Variants in GALNT14 observed in about 807,000 individuals in gnomAD.
GALNT14 encodes UDP-GalNAc:polypeptide N-acetylgalactosaminyltransferase 14.
In GALNT14, 60 loss-of-function variants were observed where a neutral mutation model predicts 77.5. The ratio of observed to expected loss-of-function variants is 0.77; its 90% confidence interval spans 0.63 to 0.96. The LOEUF (loss-of-function observed/expected upper bound fraction) is 0.96. Ranked by LOEUF, GALNT14 falls within the 40% of genes least tolerant of loss-of-function variation. GALNT14 has a pLI of 0.00. For synonymous variants in GALNT14, 280 were observed against 281.7 expected (o/e 0.99, Z 0.06); for missense variants, 710 against 731.0 (o/e 0.97, Z 0.33).
chr2:30,993,822 C>T (rs1004326852), intron 1 of GALNT14, among the ~76,000 whole-genome samples: 3 of 152,176 alleles, frequency 2.0e-5, no homozygotes, highest in African/African-American at 7.2e-5. Flanking sequence ...GAGCTCAAAG[C>T]AGAGCTCAGT....
At chr2:30,900,858 T>G in the GALNT14 span, among the ~76,000 whole-genome samples, 22 of 152,326 alleles carry the variant, frequency 1.4e-4, no homozygotes, top group African/African-American at 5.3e-4. Context: ...TCACAGCCTC[T>G]TGGGTGGCAG....
chr2:30,962,720 A>T (rs115235743), intron 3 of GALNT14, among the ~76,000 whole-genome samples: 4,336 of 152,186 alleles, frequency 0.028, 162 homozygotes, highest in African/African-American at 0.086. Flanking sequence ...CTAACTCCAG[A>T]GCTTAGGGGG....
At chr2:31,076,192 G>A (rs534423893) in intron 1 of GALNT14, among the ~76,000 whole-genome samples, 17 of 152,318 alleles carry the variant, frequency 1.1e-4, no homozygotes, top group Admixed American at 6.5e-5. Context: ...TCCTACTCAA[G>A]TCTCCTCCCA....
chr2:31,133,892 T>G (rs965491412), intron 1 of GALNT14, among the ~76,000 whole-genome samples: 2 of 152,212 alleles, frequency 1.3e-5, no homozygotes, highest in African/African-American at 4.8e-5. Flanking sequence ...CGTTAAAAAG[T>G]CAAATTTAAA....
At chr2:31,071,834 G>C (rs992812175) in intron 1 of GALNT14, among the ~76,000 whole-genome samples, 1 of 152,170 alleles carries the variant, frequency 6.6e-6, no homozygotes, top group African/African-American at 2.4e-5. Flanking sequence ...GAAAATGCAG[G>C]ATTCTTGCTC....
At chr2:30,975,513 T>C (rs1381549591) in intron 2 of GALNT14, among the ~76,000 whole-genome samples, 1 of 152,254 alleles carries the variant, frequency 6.6e-6, no homozygotes, top group African/African-American at 2.4e-5. Flanking sequence ...TTTTTTAAAA[T>C]TGATCACATG....
chr2:30,952,180 C>T (rs1269952101), intron 6 of GALNT14, among the ~76,000 whole-genome samples: 2 of 152,034 alleles, frequency 1.3e-5, no homozygotes, highest in African/African-American at 2.4e-5. Context: ...ATTATAGTAA[C>T]TATTTAAAAA....
At chr2:31,127,737 A>G (rs1558586765) in intron 1 of GALNT14, among the ~76,000 whole-genome samples, 1 of 152,232 alleles carries the variant, frequency 6.6e-6, no homozygotes, top group Non-Finnish European at 1.5e-5. Context: ...TATACACTCA[A>G]TTTTAGGAGA....
chr2:31,078,722 C>T (rs1360216894), intron 1 of GALNT14, among the ~76,000 whole-genome samples: 1 of 152,278 alleles, frequency 6.6e-6, no homozygotes, highest in East Asian at 1.9e-4. Flanking sequence ...CAGGGCAAGG[C>T]AAACATTCAG....
intron 2 of GALNT14, among the ~76,000 whole-genome samples, chr2:30,981,247 G>T (rs1303515424): frequency 1.3e-5 from 2 of 152,218 alleles, no homozygotes; most frequent in African/African-American, 2.4e-5. Context: ...TGAAGCACTT[G>T]GGGGCAAATG....
chr2:31,111,995 C>CTTTTTTTTTTT (rs398080139), intron 1 of GALNT14, among the ~76,000 whole-genome samples: 1 of 134,120 alleles, frequency 7.5e-6, no homozygotes, highest in Non-Finnish European at 1.6e-5. Context: ...TGTGTACTTG[C>CTTTTTTTTTTT]TTTTTTTTTT....
intron 4 of GALNT14, 46 bp from the exon 5 acceptor site, chr2:30,956,023 C>T (rs1667349160): frequency 1.9e-6 from 3 of 1,594,440 alleles, no homozygotes; most frequent in South Asian, 2.2e-5. Context: ...AGGGATGGAC[C>T]TACGTGTTAC....
At chr2:30,972,831 G>A (rs866900751) in intron 2 of GALNT14, among the ~76,000 whole-genome samples, 20 of 152,218 alleles carry the variant, frequency 1.3e-4, no homozygotes, top group Admixed American at 2.6e-4. Context: ...CTGCTCCTGG[G>A]TGGTAACAGG....
chr2:31,004,223 G>A (rs1446367737), intron 1 of GALNT14, among the ~76,000 whole-genome samples: 1 of 152,210 alleles, frequency 6.6e-6, no homozygotes, highest in African/African-American at 2.4e-5. Context: ...GGTACCCAGG[G>A]AGCAGGTGAT....
At chr2:31,083,911 G>T (rs1051191332) in intron 1 of GALNT14, among the ~76,000 whole-genome samples, 3 of 152,214 alleles carry the variant, frequency 2.0e-5, no homozygotes, top group African/African-American at 7.2e-5. Context: ...AGAAGCCGGA[G>T]AAGTCCTGGT....
chr2:31,097,825 G>C (rs1397179300), intron 1 of GALNT14, among the ~76,000 whole-genome samples: 1 of 152,068 alleles, frequency 6.6e-6, no homozygotes, highest in Non-Finnish European at 1.5e-5. Flanking sequence ...CATGGGAAAT[G>C]AACAGATGGG....
chr2:31,007,698 T>C (rs1288048353), intron 1 of GALNT14, among the ~76,000 whole-genome samples: 1 of 152,226 alleles, frequency 6.6e-6, no homozygotes, highest in Non-Finnish European at 1.5e-5. Context: ...ATTAATCATT[T>C]CACCAGAGCT....
intron 1 of GALNT14, among the ~76,000 whole-genome samples, chr2:31,128,240 C>T (rs978321832): frequency 6.6e-5 from 10 of 152,098 alleles, no homozygotes; most frequent in South Asian, 2.1e-4. Flanking sequence ...AGGCCACCAA[C>T]GAGACAGAAC....
At chr2:31,030,194 G>C (rs1175565776) in intron 1 of GALNT14, among the ~76,000 whole-genome samples, 1 of 152,200 alleles carries the variant, frequency 6.6e-6, no homozygotes, top group Non-Finnish European at 1.5e-5. Context: ...TAAGTGGACA[G>C]GTTAGGGATG....
Sources: allele counts gnomAD v4.1 joint callset (sites outside exome capture counted in the v4.1 genomes callset), GRCh38; gene constraint gnomAD v4.1.1; transcripts MANE v1.5; gene names NCBI Gene and HGNC (gene_info 2026-07-23, HGNC 2026-07-21).